TNS1: variants seen among roughly 807,000 people sequenced by gnomAD.
The protein encoded by TNS1 is tensin 1, also known as tensin-1.
In TNS1, 62 loss-of-function variants were observed where a neutral mutation model predicts 168.6. That is an observed-to-expected ratio of 0.37 (90% confidence interval 0.30 to 0.45). The LOEUF is 0.45. Ranked by LOEUF, TNS1 falls within the 20% of genes least tolerant of loss-of-function variation. The probability of loss-of-function intolerance (pLI) is 1.00; values close to 1 mark genes in which losing one functional copy is unlikely to be tolerated. For missense variants in TNS1, 2,240 were observed against 2,339.4 expected (o/e 0.96, Z 0.88); for synonymous variants, 934 against 933.2 (o/e 1.00, Z -0.02).
chr2:217,997,423 G>A lies in TNS1; in HGVS notation c.33+5417C>T, dbSNP rs532678223. 2.0e-3 allele frequency among the ~76,000 whole-genome samples: 306 copies of A among 152,210 alleles called. 1 individual carries two copies. The highest frequency in any genetic ancestry group is 3.2e-3 in the Non-Finnish European group (220 of 68,012). On this transcript the variant is annotated intron_variant, in intron 1 of 32. Transcript: ENST00000682258. ...GTCTCTCATCCTTTAAACTAGACAC[G>A]TTATCCACCTCTCATTTTTCTTTCT... is the stretch of plus-strand genomic sequence containing the variant.
intron 7 of TNS1, among the ~76,000 whole-genome samples, chr2:217,899,657 A>T (rs917271267): frequency 6.6e-6 from 1 of 152,230 alleles, no homozygotes; most frequent in African/African-American, 2.4e-5. Context: ...GACGTGGCCC[A>T]TCTGGGGCAC....
chr2:217,858,235 C>T (rs1028249450), intron 18 of TNS1, among the ~76,000 whole-genome samples: 4 of 152,118 alleles, frequency 2.6e-5, no homozygotes, highest in Non-Finnish European at 4.4e-5. Context: ...CAGATACCCT[C>T]GCCCTGAAAG....
rs1005968402 is a variant in TNS1, at chr2:217,988,370, A to T, written c.148+2572T>A. ...AGGCCAGGTCAGCTGGGGAACCTAG[A>T]GCCATGGAATGTGAGGGCCACCGGA... On this transcript the variant is annotated intron_variant, in intron 2 of 32. Coordinates refer to ENST00000682258, the MANE Select transcript of TNS1 (RefSeq NM_001387777.1). Among the ~76,000 whole-genome samples, 5 of 152,164 alleles carry T rather than the reference A, an allele frequency of 3.3e-5. No individual in the cohort carries two copies. In the East Asian group the frequency reaches 9.6e-4, roughly 29 times the overall value.
chr2:217,954,826 C>A (rs939391639), intron 3 of TNS1, among the ~76,000 whole-genome samples: 1 of 152,212 alleles, frequency 6.6e-6, no homozygotes, highest in African/African-American at 2.4e-5. Flanking sequence ...GGGCTTCCTG[C>A]ACACATGGTG....
chr2:217,988,537 G>A (rs1958260682), intron 2 of TNS1, among the ~76,000 whole-genome samples: 1 of 152,188 alleles, frequency 6.6e-6, no homozygotes, highest in African/African-American at 2.4e-5. Context: ...AGGAACCGTG[G>A]GGAAGGGCCA....
chr2:217,992,023 C>A (rs1958378863), intron 1 of TNS1, among the ~76,000 whole-genome samples: 1 of 152,144 alleles, frequency 6.6e-6, no homozygotes, highest in Admixed American at 6.5e-5. Flanking sequence ...GCACCACACC[C>A]CTGGAGCTCT....
chr2:218,004,244 A>T (rs1958628763), upstream of TNS1, among the ~76,000 whole-genome samples: 3 of 152,240 alleles, frequency 2.0e-5, no homozygotes, highest in African/African-American at 7.2e-5. Context: ...CAGAGTAGGC[A>T]CTTGGAGACC....
chr2:217,808,185 C>G (rs1327305460), intron 31 of TNS1, 78 bp from the exon 32 acceptor site: 5 of 1,559,022 alleles, frequency 3.2e-6, no homozygotes, highest in Non-Finnish European at 4.4e-6. Flanking sequence ...CCCAGACCCT[C>G]TGCAGGAAGG....
chr2:217,969,381 G>A (rs919135747), intron 3 of TNS1, among the ~76,000 whole-genome samples: 1 of 152,108 alleles, frequency 6.6e-6, no homozygotes. Flanking sequence ...AGAAAACAGG[G>A]GTAAATCTTT....
intron 24 of TNS1, among the ~76,000 whole-genome samples, chr2:217,817,064 T>G (rs1379329060): frequency 6.6e-6 from 1 of 152,190 alleles, no homozygotes; most frequent in Non-Finnish European, 1.5e-5. Context: ...CGAGGAGTGA[T>G]GTGGCACTGT....
At chr2:217,927,435 C>A (rs1160471317) in intron 3 of TNS1, among the ~76,000 whole-genome samples, 1 of 152,188 alleles carries the variant, frequency 6.6e-6, no homozygotes, top group Non-Finnish European at 1.5e-5. Context: ...GCCATTGGCA[C>A]TGGGGAGCCA....
At chr2:217,872,966 G>A (rs1012726004) in intron 18 of TNS1, among the ~76,000 whole-genome samples, 7 of 152,184 alleles carry the variant, frequency 4.6e-5, no homozygotes, top group Non-Finnish European at 7.3e-5. Context: ...CTCCATTTAC[G>A]TAAAGTGTCC....
chr2:218,014,691 C>T (rs369803537), upstream of TNS1, among the ~76,000 whole-genome samples: 223 of 152,278 alleles, frequency 1.5e-3, 6 homozygotes, highest in South Asian at 0.042. Context: ...AGAACTGTTT[C>T]TTGTTGATAC....
chr2:218,010,480 C>T, upstream of TNS1: 1 of 315,256 alleles, frequency 3.2e-6, no homozygotes, highest in Non-Finnish European at 5.8e-6. Flanking sequence ...CTCAGGGACT[C>T]TTCCTCCGCG....
intron 3 of TNS1, among the ~76,000 whole-genome samples, chr2:217,949,481 C>T (rs1262660506): frequency 6.6e-6 from 1 of 152,174 alleles, no homozygotes; most frequent in African/African-American, 2.4e-5. Context: ...GCTTCTAGAC[C>T]AGATAACTGG....
At chr2:218,015,654 C>A (rs1208600852) in intron 1 of TNS1, among the ~76,000 whole-genome samples, 3 of 152,176 alleles carry the variant, frequency 2.0e-5, no homozygotes, top group African/African-American at 7.2e-5. Flanking sequence ...ACCCCCACCC[C>A]CCTTTATTCT....
At chr2:217,849,892 G>A (rs1381724299) in intron 18 of TNS1, 2 of 985,306 alleles carry the variant, frequency 2.0e-6, no homozygotes. Flanking sequence ...GAGGCTGAAG[G>A]CAGAGCTGGG....
intron 8 of TNS1, 65 bp downstream of exon 8, chr2:217,897,733 T>C (rs1427630801): frequency 3.4e-6 from 5 of 1,477,880 alleles, no homozygotes; most frequent in Non-Finnish European, 4.5e-6. Flanking sequence ...ACCAGTCATG[T>C]AGAGGTGGTG....
intron 18 of TNS1, among the ~76,000 whole-genome samples, chr2:217,866,790 T>C (rs987050591): frequency 1.3e-5 from 2 of 151,942 alleles, no homozygotes; most frequent in South Asian, 4.2e-4. Context: ...GGCTGGCCTC[T>C]CCCCTCCCCC....
Sources: allele counts gnomAD v4.1 joint callset (sites outside exome capture counted in the v4.1 genomes callset), GRCh38; gene constraint gnomAD v4.1.1; transcripts MANE v1.5; gene names NCBI Gene and HGNC (gene_info 2026-07-23, HGNC 2026-07-21).